Variants in PLPP1 observed in about 807,000 individuals in gnomAD.
The protein encoded by PLPP1 is phospholipid phosphatase 1, also known as lipid phosphate phosphohydrolase 1a.
PLPP1 carries 24 observed loss-of-function variants against 31.2 expected under a neutral mutation model. That is an observed-to-expected ratio of 0.77 (90% CI 0.56 to 1.08). The LOEUF (loss-of-function observed/expected upper bound fraction) is 1.08. Among genes scored for constraint, PLPP1 ranks in the 50% least tolerant of loss-of-function variants. PLPP1 has a pLI of 0.00. For synonymous variants in PLPP1, 146 were observed against 126.3 expected (o/e 1.16, Z -1.05); for missense variants, 319 against 342.7 (o/e 0.93, Z 0.55).
intron 1 of PLPP1, among the ~76,000 whole-genome samples, chr5:55,490,560 A>T (rs896761184): frequency 1.3e-5 from 2 of 151,920 alleles, no homozygotes; most frequent in Non-Finnish European, 2.9e-5. Flanking sequence ...TTCCTTTTTC[A>T]TGGCCTCAAT....
chr5:55,530,256 T>C lies in PLPP1; in HGVS notation c.58+4316A>G, dbSNP rs1740613815. 15 of 1,501,932 alleles carry C rather than the reference T, an allele frequency of 1.0e-5. No individual in the cohort carries two copies. The African/African-American group carries it at 1.2e-4, about 12-fold the overall frequency. The allele number at this position is 1,501,932 out of a possible 1,614,324, so 93.0% of individuals were successfully genotyped here. ...TTCTCCATAATCAAACTGATGTCTC[T>C]GATTTAGATGACTAACGAAATTTCT... On this transcript the variant is annotated intron_variant, in intron 1 of 5. Transcript: ENST00000307259.
At chr5:55,441,534 C>CA (rs1307252403) in intron 4 of PLPP1, among the ~76,000 whole-genome samples, 1 of 152,194 alleles carries the variant, frequency 6.6e-6, no homozygotes, top group East Asian at 1.9e-4. Flanking sequence ...GCTGTTCGCC[C>CA]ACACTGAGCA....
chr5:55,515,530 G>A (rs948262784), intron 1 of PLPP1, among the ~76,000 whole-genome samples: 12 of 152,114 alleles, frequency 7.9e-5, no homozygotes, highest in Non-Finnish European at 1.0e-4. Flanking sequence ...TCTATACCCA[G>A]CAATATCCAT....
intron 3 of PLPP1, among the ~76,000 whole-genome samples, chr5:55,444,904 C>T (rs949041350): frequency 4.6e-5 from 7 of 152,036 alleles, no homozygotes; most frequent in African/African-American, 1.4e-4. Flanking sequence ...TGCGCACCAC[C>T]ACGCCCAGCT....
chr5:55,452,108 G>T (rs1403960093), intron 3 of PLPP1, among the ~76,000 whole-genome samples: 2 of 152,114 alleles, frequency 1.3e-5, no homozygotes, highest in East Asian at 3.9e-4. Flanking sequence ...AACAGCTCCA[G>T]AACCATCACT....
At chr5:55,488,583 TTGCACTAAGTCGAGACTG>T (rs1752822720) in intron 1 of PLPP1, among the ~76,000 whole-genome samples, 1 of 151,934 alleles carries the variant, frequency 6.6e-6, no homozygotes, top group Non-Finnish European at 1.5e-5. Context: ...GAGGCGGAGG[TTGCACTAAGTCGAGACTG>T]TGCCACTGCA....
intron 1 of PLPP1, among the ~76,000 whole-genome samples, chr5:55,516,624 G>C (rs993319638): frequency 5.9e-5 from 9 of 152,134 alleles, no homozygotes; most frequent in Non-Finnish European, 1.0e-4. Context: ...ATAAACTAAA[G>C]CTGTGAACTC....
intron 1 of PLPP1, among the ~76,000 whole-genome samples, chr5:55,492,695 T>C (rs907761768): frequency 2.6e-5 from 4 of 152,178 alleles, no homozygotes; most frequent in Admixed American, 2.6e-4. Flanking sequence ...GTAGCCAACA[T>C]GTATTGCATG....
At chr5:55,425,791 A>T (rs1751169373) in intron 5 of PLPP1, 72 bp downstream of exon 5, 2 of 1,009,722 alleles carry the variant, frequency 2.0e-6, no homozygotes, top group South Asian at 5.0e-5. Flanking sequence ...GATTTTTTGG[A>T]TTTTTTTTTT....
At chr5:55,504,610 C>A (rs1487023427) in intron 1 of PLPP1, among the ~76,000 whole-genome samples, 1 of 149,528 alleles carries the variant, frequency 6.7e-6, no homozygotes, top group Non-Finnish European at 1.5e-5. Context: ...TGCAGGGCAA[C>A]ATGCACCTAC....
At position 55,474,728 on chromosome 5, in the gene PLPP1, A is replaced by T. The variant is rs560966378; in HGVS notation, c.210+571T>A. ...GAACTCAGTACAGAGGGAGAATCAA[A>T]AACGGTAGGTACATACATACAGATA... On this transcript the variant is annotated intron_variant, in intron 2 of 5. Transcript: ENST00000307259. Among the ~76,000 whole-genome samples the T allele has an allele frequency of 2.6e-5, 4 of 152,364 alleles. No homozygotes were observed. In the South Asian group the frequency reaches 8.3e-4, roughly 32 times the overall value.
At chr5:55,519,245 A>C (rs949242228) in intron 1 of PLPP1, among the ~76,000 whole-genome samples, 1 of 152,212 alleles carries the variant, frequency 6.6e-6, no homozygotes, top group African/African-American at 2.4e-5. Context: ...ATAACATCAC[A>C]ATTTAAGAAA....
intron 1 of PLPP1, among the ~76,000 whole-genome samples, chr5:55,511,632 C>T (rs1753410606): frequency 2.3e-5 from 3 of 130,584 alleles, no homozygotes; most frequent in African/African-American, 6.0e-5. Flanking sequence ...CAGACTTTAG[C>T]GATTTAACAC....
intron 3 of PLPP1, among the ~76,000 whole-genome samples, chr5:55,457,997 C>T (rs546156014): frequency 3.9e-5 from 6 of 152,204 alleles, no homozygotes; most frequent in Admixed American, 3.3e-4. Flanking sequence ...TAGAGTTTTC[C>T]TGCCTAACTT....
chr5:55,456,002 C>CA (rs1554038067), intron 3 of PLPP1, among the ~76,000 whole-genome samples: 1 of 151,316 alleles, frequency 6.6e-6, no homozygotes, highest in Non-Finnish European at 1.5e-5. Flanking sequence ...GGCTCATTAG[C>CA]TTTTTTTTTC....
At position 55,502,161 on chromosome 5, in the gene PLPP1, G is replaced by A. The variant is rs1340130166; in HGVS notation, c.59-26711C>T. Among the ~76,000 whole-genome samples the A allele has an allele frequency of 2.0e-5, 3 of 152,256 alleles. No individual in the cohort carries two copies. The East Asian group carries it at 5.8e-4, about 29-fold the overall frequency. On this transcript the variant is annotated intron_variant, in intron 1 of 5. Transcript: ENST00000307259. ...GAAAGAAAATACATAATTTTATCTAGGGCAGTGCTAGCCAATAAAATTTTC... is the reference window on the plus strand; with the variant it reads ...GAAAGAAAATACATAATTTTATCTAAGGCAGTGCTAGCCAATAAAATTTTC...
chr5:55,466,477 C>G (rs975581456), intron 3 of PLPP1, among the ~76,000 whole-genome samples: 4 of 152,016 alleles, frequency 2.6e-5, no homozygotes, highest in Admixed American at 1.3e-4. Context: ...CTGAGGCAGG[C>G]GGATCACCTG....
chr5:55,427,530 G>GCTA, intron 4 of PLPP1, among the ~76,000 whole-genome samples: 1 of 152,236 alleles, frequency 6.6e-6, no homozygotes, highest in Admixed American at 6.5e-5. Context: ...ATGGACTTAA[G>GCTA]CTAGTCCCAT....
chr5:55,491,128 G>A (rs1752879817), intron 1 of PLPP1: 1 of 1,598,964 alleles, frequency 6.3e-7, no homozygotes, highest in Non-Finnish European at 8.5e-7. Context: ...TTGGGGAAGG[G>A]AAAAAAAGAC....
Sources: gnomAD v4.1 joint callset for allele counts (sites outside exome capture counted in the v4.1 genomes callset) on GRCh38, gnomAD v4.1.1 for gene constraint, MANE v1.5 for transcripts, NCBI Gene and HGNC (gene_info 2026-07-23, HGNC 2026-07-21) for gene names.